ATP2C1: variants seen among roughly 807,000 people sequenced by gnomAD.
The protein encoded by ATP2C1 is ATPase secretory pathway Ca2+ transporting 1.
In ATP2C1, 31 loss-of-function variants were observed where a neutral mutation model predicts 120.5. The observed-to-expected ratio is 0.26, with a 90% confidence interval of 0.19 to 0.35. ATP2C1 has a LOEUF of 0.35. Ranked by LOEUF, ATP2C1 falls within the 10% of genes least tolerant of loss-of-function variation. ATP2C1 has a pLI of 1.00. For synonymous variants in ATP2C1, 351 were observed against 358.7 expected (o/e 0.98, Z 0.24); for missense variants, 731 against 1,107.5 (o/e 0.66, Z 4.83).
intron 1 of ATP2C1, among the ~76,000 whole-genome samples, chr3:130,856,880 G>A (rs562092364): frequency 2.0e-5 from 3 of 152,260 alleles, no homozygotes; most frequent in African/African-American, 7.2e-5. Flanking sequence ...TCCATTATTG[G>A]AACAATAAGC....
chr3:131,012,686 G>A (rs1331874814), intron 26 of ATP2C1, among the ~76,000 whole-genome samples: 2 of 152,096 alleles, frequency 1.3e-5, no homozygotes, highest in South Asian at 2.1e-4. Flanking sequence ...GGAGATGGTT[G>A]TTAGTAAGGT....
At chr3:130,868,032 A>C (rs1330939718) in intron 1 of ATP2C1, 1 of 150,884 alleles carries the variant, frequency 6.6e-6, no homozygotes, top group Non-Finnish European at 1.4e-5. Flanking sequence ...CCCGTCTGAG[A>C]AGTGAGGAGC....
intron 2 of ATP2C1, among the ~76,000 whole-genome samples, chr3:130,906,906 G>GTT (rs1449952475): frequency 6.6e-6 from 1 of 151,998 alleles, no homozygotes; most frequent in Non-Finnish European, 1.5e-5. Flanking sequence ...GTACCACAAT[G>GTT]TTTTGGTTAC....
intron 26 of ATP2C1, among the ~76,000 whole-genome samples, chr3:130,999,208 A>G (rs566905480): frequency 2.6e-5 from 4 of 152,300 alleles, no homozygotes; most frequent in African/African-American, 9.6e-5. Context: ...TGATTTAGCA[A>G]AATACAAATA....
At chr3:130,948,171 C>T (rs1260479649) in intron 8 of ATP2C1, among the ~76,000 whole-genome samples, 2 of 152,118 alleles carry the variant, frequency 1.3e-5, no homozygotes, top group Non-Finnish European at 2.9e-5. Context: ...CTTCATATGG[C>T]TTTGAGTTAC....
At chr3:130,931,274 T>C (rs1020671827) in intron 3 of ATP2C1, among the ~76,000 whole-genome samples, 1 of 152,060 alleles carries the variant, frequency 6.6e-6, no homozygotes, top group Admixed American at 6.6e-5. Context: ...GTACAGATAA[T>C]TTTATTCTTT....
intron 26 of ATP2C1, chr3:131,014,530 A>AG: frequency 8.2e-6 from 7 of 851,530 alleles, no homozygotes; most frequent in South Asian, 2.1e-5. Flanking sequence ...ACTTAAGAAT[A>AG]ATCTGTTCTT....
chr3:130,865,649 T>A (rs1462731604), intron 1 of ATP2C1, among the ~76,000 whole-genome samples: 1 of 152,190 alleles, frequency 6.6e-6, no homozygotes, highest in Admixed American at 6.5e-5. Context: ...AATGAATAAG[T>A]CTCACAAGGT....
chr3:130,869,429 T>TAAAAATAAAAAAAAAA (rs2068346100), intron 1 of ATP2C1: 1 of 106,628 alleles, frequency 9.4e-6, no homozygotes, highest in African/African-American at 3.9e-5. Flanking sequence ...CAATAAAAAA[T>TAAAAATAAAAAAAAAA]AAAAAAAAAA....
At chr3:130,912,394 A>G (rs1365410872) in intron 2 of ATP2C1, among the ~76,000 whole-genome samples, 1 of 150,814 alleles carries the variant, frequency 6.6e-6, no homozygotes, top group East Asian at 1.9e-4. Flanking sequence ...ATGAACTCAA[A>G]CCAATTTACA....
intron 8 of ATP2C1, among the ~76,000 whole-genome samples, chr3:130,942,233 G>A (rs984360029): frequency 1.4e-4 from 22 of 152,314 alleles, no homozygotes; most frequent in African/African-American, 5.3e-4. Flanking sequence ...ATGAAACTCT[G>A]TTGGGACATG....
rs2061585718 is a variant in ATP2C1 at position 130,977,757 on chromosome 3, T to G, written c.1571-1492T>G. Among the ~76,000 whole-genome samples, 3 of 152,200 alleles carry G rather than the reference T, an allele frequency of 2.0e-5. No individual in the cohort carries two copies. The South Asian group carries it at 6.2e-4, about 31-fold the overall frequency. On this transcript the variant is annotated intron_variant, in intron 18 of 27. Transcript: ENST00000510168. Reference sequence around the variant, plus strand: ...CTGCTCATTTGTCTCTTGCTTCATGTCTTTTCTTCTTTATCTACCCTTGTG... The same window carrying G: ...CTGCTCATTTGTCTCTTGCTTCATGGCTTTTCTTCTTTATCTACCCTTGTG...
chr3:131,004,318 C>T (rs140992719), downstream of ATP2C1, among the ~76,000 whole-genome samples: 4 of 152,336 alleles, frequency 2.6e-5, no homozygotes, highest in East Asian at 1.9e-4. Context: ...TTAACTAGTA[C>T]GTGATTGGAC....
rs1403398777 is a variant in ATP2C1 at position 130,965,064 on chromosome 3, AAAAC to A, written c.1122+27_1122+30del. 1.3e-6 allele frequency: 2 copies of A among 1,516,414 alleles called. No individual in the cohort carries two copies. Among genetic ancestry groups the A allele is most frequent in the East Asian group, 2.3e-5 (1 of 44,182 alleles). 93.9% of individuals were successfully genotyped at this position (1,516,414 alleles called of 1,614,324 possible). A position where few individuals can be genotyped will look rare whatever the true frequency, so the allele number is the denominator to read the frequency against. On this transcript the variant is annotated intron_variant, in intron 14 of 27. Transcript: ENST00000510168. The stretch of plus-strand genomic sequence containing the variant: ...TGCTGAGGTACTCTATAGGTTTTTA[AAAAC>A]AAACAAAAACAGTATCCCTTTAAGA...
At chr3:130,875,180 G>A (rs75117046) in intron 1 of ATP2C1, among the ~76,000 whole-genome samples, 1 of 152,054 alleles carries the variant, frequency 6.6e-6, no homozygotes, top group African/African-American at 2.4e-5. Context: ...GTAAATTGTT[G>A]TTAACTATAC....
At chr3:130,898,860 T>C (rs1291555995) in intron 2 of ATP2C1, among the ~76,000 whole-genome samples, 1 of 152,176 alleles carries the variant, frequency 6.6e-6, no homozygotes, top group East Asian at 1.9e-4. Flanking sequence ...CCAGGAACAC[T>C]GTGGCTTGAT....
intron 8 of ATP2C1, among the ~76,000 whole-genome samples, chr3:130,948,145 T>C (rs887678656): frequency 6.6e-6 from 1 of 152,216 alleles, no homozygotes; most frequent in African/African-American, 2.4e-5. Flanking sequence ...GTTAGCTTCA[T>C]TGGAATTCTT....
chr3:131,016,340 C>T, exon 27 of ATP2C1: 1 of 1,614,146 alleles, frequency 6.2e-7, no homozygotes, highest in Non-Finnish European at 8.5e-7. Context: ...TCTTCCTTAC[C>T]TAAATAAAGA....
chr3:130,924,542 A>C lies in ATP2C1; in HGVS notation c.7-5874A>C, dbSNP rs1182667786. Among the ~76,000 whole-genome samples the C allele has an allele frequency of 3.3e-5, 5 of 152,106 alleles. No individual in the cohort carries two copies. In the South Asian group the frequency reaches 8.3e-4, roughly 25 times the overall value. On this transcript the variant is annotated intron_variant, in intron 2 of 27. Coordinates refer to ENST00000510168, the MANE Select transcript of ATP2C1 (RefSeq NM_001378687.1). ...ATCTTGACTTTAGGTAATGATGACT[A>C]TGTGCCTGGGCCATCTTTTTATGAT...
Sources: allele counts gnomAD v4.1 joint callset (sites outside exome capture counted in the v4.1 genomes callset), GRCh38; gene constraint gnomAD v4.1.1; transcripts MANE v1.5; gene names NCBI Gene and HGNC (gene_info 2026-07-23, HGNC 2026-07-21).